Variants in MS4A12 observed in about 807,000 individuals in gnomAD.
MS4A12 encodes the protein membrane-spanning 4-domains subfamily A member 12.
A neutral mutation model predicts 23.7 loss-of-function variants in MS4A12; 28 were observed. The observed-to-expected ratio is 1.18, with a 90% CI of 0.88 to 1.62. The LOEUF (loss-of-function observed/expected upper bound fraction) is 1.62, where lower values mean the gene tolerates loss of function less well. Among genes scored for constraint, MS4A12 ranks in the 40% most tolerant of loss-of-function variants. MS4A12 has a pLI of 0.00. For missense variants in MS4A12, 342 were observed against 327.0 expected (o/e 1.05, Z -0.35); for synonymous variants, 108 against 110.1 (o/e 0.98, Z 0.12).
chr11:60,502,862 C>T (rs966546000), intron 4 of MS4A12, among the ~76,000 whole-genome samples: 1 of 152,126 alleles, frequency 6.6e-6, no homozygotes, highest in Non-Finnish European at 1.5e-5. Context: ...CAAAATAAAG[C>T]ACCCTTTCTC....
Position 60,494,702 on chromosome 11 carries a change from TTAGAC to T in MS4A12, c.-7+1878_-7+1882del, listed in dbSNP as rs377412662. On this transcript the variant is annotated intron_variant, in intron 1 of 6. Transcript: ENST00000016913. Reference sequence around the variant, plus strand: ...TGCATAAATTAGGATAATTTGAACTTTAGACTAGCCTCCTTAGGTACCTTCTGTCA... The same window carrying T: ...TGCATAAATTAGGATAATTTGAACTTTAGCCTCCTTAGGTACCTTCTGTCA... Among the ~76,000 whole-genome samples, 39 of 152,348 alleles carry T rather than the reference TTAGAC, an allele frequency of 2.6e-4. No homozygotes were observed. The East Asian group carries it at 7.5e-3, about 29-fold the overall frequency.
intron 3 of MS4A12, 119 bp downstream of exon 3, chr11:60,501,301 G>A (rs1352632738): frequency 7.2e-6 from 8 of 1,110,692 alleles, no homozygotes; most frequent in Non-Finnish European, 9.8e-6. Flanking sequence ...CCCTACATCT[G>A]AGGGCTGGAG....
At chr11:60,499,156 A>G (rs2086511839) in intron 2 of MS4A12, among the ~76,000 whole-genome samples, 1 of 152,180 alleles carries the variant, frequency 6.6e-6, no homozygotes, top group Non-Finnish European at 1.5e-5. Flanking sequence ...TGTTATTTCT[A>G]TGCCATCAGC....
Position 60,503,805 on chromosome 11 carries a change from C to A in MS4A12, c.576C>A (p.Asp192Glu). ...DMCINGVAGQ[D>E]YWAVLSGKGI... is the part of the protein sequence containing the mutation. ...GCATCAATGGGGTAGCTGGCCAAGACTACTGGGCCGTGGTAAGTATCCCAT... is the reference window on the plus strand; with the variant it reads ...GCATCAATGGGGTAGCTGGCCAAGAATACTGGGCCGTGGTAAGTATCCCAT... The change falls in exon 5 of 7, where the codon GAC becomes GAA. Residue 192 changes from aspartate to glutamate, a missense_variant. Physicochemically the swap from Asp to Glu is conservative, Grantham distance 45. Coordinates refer to ENST00000016913, the MANE Select transcript of MS4A12 (RefSeq NM_017716.3). 1 of 1,613,326 alleles carries A rather than the reference C, an allele frequency of 6.2e-7. No individual in the cohort carries two copies. Among genetic ancestry groups the A allele is most frequent in the Non-Finnish European group, 8.5e-7 (1 of 1,179,414 alleles).
rs1302059809 is a variant in MS4A12 at position 60,502,673 on chromosome 11, T to TAGAGCAG, written c.471+637_471+643dup. ...TGATTTATCAAGAACTAGAGTCAAC[T>TAGAGCAG]AGAGCAGAGGTGGTGTCAAGATTAT... On this transcript the variant is annotated intron_variant, in intron 4 of 6. Coordinates refer to ENST00000016913, the MANE Select transcript of MS4A12 (RefSeq NM_017716.3). Among the ~76,000 whole-genome samples the TAGAGCAG allele has an allele frequency of 2.0e-4, 30 of 152,224 alleles. No homozygotes were observed. The East Asian group carries it at 5.4e-3, about 27-fold the overall frequency.
At chr11:60,503,178 C>T (rs1265932672) in intron 4 of MS4A12, among the ~76,000 whole-genome samples, 1 of 152,160 alleles carries the variant, frequency 6.6e-6, no homozygotes, top group African/African-American at 2.4e-5. Context: ...TAAATTTTCT[C>T]CTTCTAAATT....
chr11:60,502,131 A>G, intron 4 of MS4A12, 92 bp downstream of exon 4: 1 of 1,292,508 alleles, frequency 7.7e-7, no homozygotes, highest in Non-Finnish European at 1.1e-6. Flanking sequence ...TGGGAAATGC[A>G]AAAGGGAGCA....
At chr11:60,505,969 C>T (rs866262536) in intron 5 of MS4A12, among the ~76,000 whole-genome samples, 9 of 152,322 alleles carry the variant, frequency 5.9e-5, no homozygotes, top group Admixed American at 1.3e-4. Context: ...AGTCCATCCT[C>T]GCTAGCAAGA....
At chr11:60,504,768 C>T (rs966557857) in intron 5 of MS4A12, among the ~76,000 whole-genome samples, 2 of 152,106 alleles carry the variant, frequency 1.3e-5, no homozygotes, top group African/African-American at 4.8e-5. Flanking sequence ...CTCGGAGTGG[C>T]AGGCTTATGA....
chr11:60,501,045 G>T lies in MS4A12; in HGVS notation c.277G>T (p.Val93Leu). The T allele has an allele frequency of 6.9e-6, 11 of 1,594,196 alleles. No homozygotes were observed. The highest frequency in any genetic ancestry group is 9.4e-6 in the Non-Finnish European group (11 of 1,173,934). Residue 93 changes from valine to leucine, a missense_variant and splice_region_variant, in exon 3 of 7, where the codon GTG becomes TTG. By Grantham distance (32) the Val-to-Leu change is conservative. Coordinates refer to ENST00000016913, the MANE Select transcript of MS4A12 (RefSeq NM_017716.3). ...NFKEEAKALG[V>L]IQIMVGLMHI... ...TTAAATGGCTGTTTTCTTTTTTCAGGTGATCCAGATCATGGTTGGATTGAT... is the reference window on the plus strand; with the variant it reads ...TTAAATGGCTGTTTTCTTTTTTCAGTTGATCCAGATCATGGTTGGATTGAT...
chr11:60,495,120 G>A (rs2135225553), intron 1 of MS4A12, among the ~76,000 whole-genome samples: 1 of 120,138 alleles, frequency 8.3e-6, no homozygotes, highest in Non-Finnish European at 1.8e-5. Context: ...AGCCTCCCAT[G>A]TAGCTGGGAC....
Position 60,503,690 on chromosome 11 carries a change from A to G in MS4A12, c.472-11A>G. The G allele has an allele frequency of 1.9e-6, 3 of 1,598,966 alleles. No individual in the cohort carries two copies. Among genetic ancestry groups the G allele is most frequent in the Non-Finnish European group, 2.6e-6 (3 of 1,169,972 alleles). On this transcript the variant is annotated splice_polypyrimidine_tract_variant and intron_variant, in intron 4 of 6. Coordinates refer to ENST00000016913, the MANE Select transcript of MS4A12 (RefSeq NM_017716.3). ...TGTATATAATTGATTTTTTCCTGCC[A>G]TCTCCATTAGGTGAAAGGCAGCCTG...
chr11:60,500,895 T>C (rs891566199), intron 2 of MS4A12, 150 bp from the exon 3 acceptor site: 1 of 857,376 alleles, frequency 1.2e-6, no homozygotes, highest in African/African-American at 1.7e-5. Flanking sequence ...AGAATCTTCA[T>C]GACCCACCTC....
chr11:60,496,621 G>A (rs1446520142), intron 1 of MS4A12, among the ~76,000 whole-genome samples: 1 of 152,048 alleles, frequency 6.6e-6, no homozygotes, highest in East Asian at 1.9e-4. Context: ...GTATTACTTG[G>A]CCCCTGTATT....
intron 5 of MS4A12, among the ~76,000 whole-genome samples, chr11:60,505,217 A>C (rs955238483): frequency 6.6e-6 from 1 of 151,754 alleles, no homozygotes; most frequent in African/African-American, 2.4e-5. Flanking sequence ...GGGGGCAGGC[A>C]AAAAAAATAG....
rs921249682 is a variant in MS4A12 at position 60,506,796 on chromosome 11, C to T, written c.657C>T (p.Ala219=). The T allele has an allele frequency of 2.0e-5, 33 of 1,614,046 alleles. No individual in the cohort carries two copies. In the African/African-American group the frequency reaches 3.6e-4, roughly 18 times the overall value. ...FSLLEFFVAC[A]TAHFANQANT... is the part of the protein sequence containing the mutation. ...TCTTGGAGTTCTTCGTAGCTTGTGC[C>T]ACAGCCCATTTTGCCAACCAAGCAA... Residue 219 remains alanine, a synonymous_variant, in exon 6 of 7, where the codon GCC becomes GCT. Coordinates refer to ENST00000016913, the MANE Select transcript of MS4A12 (RefSeq NM_017716.3).
intron 2 of MS4A12, among the ~76,000 whole-genome samples, chr11:60,498,550 T>C (rs916567949): frequency 1.3e-5 from 2 of 152,038 alleles, no homozygotes; most frequent in African/African-American, 4.8e-5. Flanking sequence ...CCCACACAGG[T>C]GCTTGGAATA....
At chr11:60,501,901 T>C (rs2086533159) in intron 3 of MS4A12, 82 bp from the exon 4 acceptor site, 1 of 1,311,696 alleles carries the variant, frequency 7.6e-7, no homozygotes, top group Non-Finnish European at 1.1e-6. Context: ...TGAACATAAA[T>C]AGACCAACCT....
rs573326451 is a variant in MS4A12, at chr11:60,499,349, G to A, written c.277-1696G>A. ...AGATGGTACAGCCAGGGCTGTAGGA[G>A]GAGAAATGAGGGCCAGTACAAATCC... On this transcript the variant is annotated intron_variant, in intron 2 of 6. Transcript: ENST00000016913. Among the ~76,000 whole-genome samples the A allele has an allele frequency of 2.6e-5, 4 of 152,300 alleles. No individual in the cohort carries two copies. In the South Asian group the frequency reaches 8.3e-4, roughly 32 times the overall value.
Sources: allele counts gnomAD v4.1 joint callset (sites outside exome capture counted in the v4.1 genomes callset), GRCh38; gene constraint gnomAD v4.1.1; transcripts MANE v1.5; gene names NCBI Gene and HGNC (gene_info 2026-07-23, HGNC 2026-07-21).